TMEM131L: variants seen among roughly 807,000 people sequenced by gnomAD.
TMEM131L encodes transmembrane protein 131-like.
TMEM131L carries 54 observed loss-of-function variants against 192.2 expected under a neutral mutation model. The observed-to-expected ratio is 0.28, with a 90% CI of 0.23 to 0.35. TMEM131L has a LOEUF of 0.35. Ranked by LOEUF, TMEM131L falls within the 10% of genes least tolerant of loss-of-function variation. The pLI is 1.00. For missense variants in TMEM131L, 1,888 were observed against 1,972.9 expected, an observed-to-expected ratio of 0.96 and a Z score of 0.82; for synonymous variants, 701 against 704.9, an observed-to-expected ratio of 0.99 and a Z score of 0.09.
Position 153,636,288 on chromosome 4 carries a change from A to G in TMEM131L, c.4558-13A>G. 1 of 1,600,426 alleles carries G rather than the reference A, an allele frequency of 6.2e-7. No individual in the cohort carries two copies. The highest frequency in any genetic ancestry group is 8.5e-7 in the Non-Finnish European group (1 of 1,172,818). ...TCTTTTAACTTATTTTTCCTTCCTC[A>G]TTTATACTTCAGCCCTACCTCACAA... On this transcript the variant is annotated splice_polypyrimidine_tract_variant and intron_variant, in intron 34 of 34. Transcript: ENST00000409959.
At chr4:153,564,487 A>G (rs1220036342) in intron 7 of TMEM131L, among the ~76,000 whole-genome samples, 1 of 152,082 alleles carries the variant, frequency 6.6e-6, no homozygotes, top group Non-Finnish European at 1.5e-5. Flanking sequence ...AGTTTGAGGC[A>G]TTTTTTAATG....
chr4:153,574,160 A>G (rs1729777631), intron 7 of TMEM131L, among the ~76,000 whole-genome samples: 1 of 152,212 alleles, frequency 6.6e-6, no homozygotes, highest in Non-Finnish European at 1.5e-5. Flanking sequence ...TGATGTGGAT[A>G]AGGAAAAATG....
intron 7 of TMEM131L, among the ~76,000 whole-genome samples, chr4:153,574,845 C>T (rs1286202186): frequency 1.3e-5 from 2 of 152,182 alleles, no homozygotes; most frequent in African/African-American, 4.8e-5. Flanking sequence ...TCCTTGGCCT[C>T]CCAAAGTGCC....
chr4:153,537,099 C>T (rs1327990194), intron 3 of TMEM131L, among the ~76,000 whole-genome samples: 3 of 152,176 alleles, frequency 2.0e-5, no homozygotes, highest in Admixed American at 6.5e-5. Flanking sequence ...CACGGACACA[C>T]CCAGGATCAA....
At chr4:153,634,368 A>G in intron 33 of TMEM131L, 88 bp downstream of exon 33, 1 of 1,070,408 alleles carries the variant, frequency 9.3e-7, no homozygotes, top group South Asian at 1.3e-5. Flanking sequence ...GAATCCTTTT[A>G]ACAGCGAGCA....
intron 2 of TMEM131L, 90 bp downstream of exon 2, chr4:153,467,371 G>A (rs1730839075): frequency 1.7e-6 from 2 of 1,143,816 alleles, no homozygotes; most frequent in Non-Finnish European, 2.6e-6. Flanking sequence ...CTGTCCAAGC[G>A]GCACAGGCGT....
At chr4:153,629,793 C>T (rs1276063528) in intron 31 of TMEM131L, among the ~76,000 whole-genome samples, 1 of 152,178 alleles carries the variant, frequency 6.6e-6, no homozygotes, top group African/African-American at 2.4e-5. Context: ...AGGTTCCTGA[C>T]CCAGCTTCTC....
chr4:153,471,511 A>G (rs1359478008), intron 2 of TMEM131L, among the ~76,000 whole-genome samples: 1 of 152,206 alleles, frequency 6.6e-6, no homozygotes, highest in African/African-American at 2.4e-5. Flanking sequence ...TGCAGGTAAC[A>G]GGTGGAATGC....
chr4:153,581,454 A>G lies in TMEM131L; in HGVS notation c.786A>G (p.Ile262Met). The G allele has an allele frequency of 6.3e-7, 1 of 1,595,164 alleles. No individual in the cohort carries two copies. Among genetic ancestry groups the G allele is most frequent in the Non-Finnish European group, 8.6e-7 (1 of 1,168,858 alleles). Residue 262 changes from isoleucine to methionine, a missense_variant, in exon 9 of 35, where the codon ATA (isoleucine) becomes ATG (methionine). Transcript: ENST00000409959. Reference sequence around the variant, plus strand: ...ATGTTTTGCGTCTACAAATGAGCATAATGGTAACAATGGAAAACTTTTCAA... The same window carrying G: ...ATGTTTTGCGTCTACAAATGAGCATGATGGTAACAATGGAAAACTTTTCAA... ...SDDVLRLQMS[I>M]MVTMENFSKE...
intron 26 of TMEM131L, among the ~76,000 whole-genome samples, chr4:153,613,522 TAGAG>T (rs996399015): frequency 6.6e-6 from 1 of 152,158 alleles, no homozygotes; most frequent in African/African-American, 2.4e-5. Flanking sequence ...TTCTTAACCT[TAGAG>T]AGATCCTTAG....
At chr4:153,518,403 G>A (rs1734881804) in intron 3 of TMEM131L, among the ~76,000 whole-genome samples, 1 of 152,224 alleles carries the variant, frequency 6.6e-6, no homozygotes, top group South Asian at 2.1e-4. Context: ...AAAAGAATCA[G>A]AAGAGGCTGA....
intron 3 of TMEM131L, among the ~76,000 whole-genome samples, chr4:153,532,233 C>A (rs1334093838): frequency 6.6e-6 from 1 of 152,140 alleles, no homozygotes; most frequent in Non-Finnish European, 1.5e-5. Context: ...GTGGATGGTG[C>A]TAATCAAATG....
chr4:153,475,950 T>A (rs2149758149), intron 3 of TMEM131L, among the ~76,000 whole-genome samples: 1 of 152,306 alleles, frequency 6.6e-6, no homozygotes, highest in Non-Finnish European at 1.5e-5. Flanking sequence ...CTAATACAAA[T>A]TGTATTGATA....
intron 31 of TMEM131L, among the ~76,000 whole-genome samples, chr4:153,631,179 A>T (rs559574622): frequency 1.2e-4 from 18 of 152,298 alleles, no homozygotes; most frequent in African/African-American, 4.3e-4. Context: ...CTCCCAGTAG[A>T]TGCTGTCTGA....
At position 153,596,766 on chromosome 4, in the gene TMEM131L, A is replaced by G. The variant is rs529985300; in HGVS notation, c.2123+381A>G. On this transcript the variant is annotated intron_variant, in intron 20 of 34. Transcript: ENST00000409959. ...CAGTCTTTAGTATTTGAACAAACTT[A>G]TATCACTTTCATCTCTTTTTTGCTC... 3.3e-5 allele frequency among the ~76,000 whole-genome samples: 5 copies of G among 152,356 alleles called. No individual in the cohort carries two copies. The South Asian group carries it at 1.0e-3, about 32-fold the overall frequency.
At chr4:153,493,237 T>C (rs535759418) in intron 3 of TMEM131L, among the ~76,000 whole-genome samples, 8 of 148,308 alleles carry the variant, frequency 5.4e-5, no homozygotes, top group Admixed American at 2.0e-4. Context: ...TCCCAGCTAC[T>C]CAGGAGGCTG....
At chr4:153,516,865 A>T (rs999910657) in intron 3 of TMEM131L, among the ~76,000 whole-genome samples, 2 of 151,992 alleles carry the variant, frequency 1.3e-5, no homozygotes, top group Non-Finnish European at 2.9e-5. Flanking sequence ...TTGCTCCGTC[A>T]CTTAGGCTGG....
At chr4:153,592,612 G>A (rs1384835331) in intron 18 of TMEM131L, 28 bp downstream of exon 18, 1 of 1,430,854 alleles carries the variant, frequency 7.0e-7, no homozygotes, top group Non-Finnish European at 9.9e-7. Context: ...CTGAGAGGCA[G>A]TTTGGGAAGT....
intron 16 of TMEM131L, among the ~76,000 whole-genome samples, chr4:153,589,302 G>T (rs1313992909): frequency 1.3e-5 from 2 of 152,026 alleles, no homozygotes; most frequent in Non-Finnish European, 2.9e-5. Flanking sequence ...CTTCTCTTTG[G>T]CATATCTGAA....
Sources: allele counts gnomAD v4.1 joint callset (sites outside exome capture counted in the v4.1 genomes callset), GRCh38; gene constraint gnomAD v4.1.1; transcripts MANE v1.5; gene names NCBI Gene and HGNC (gene_info 2026-07-23, HGNC 2026-07-21).